CDK6: variants seen among roughly 807,000 people sequenced by gnomAD.
CDK6 encodes the protein cyclin dependent kinase 6.
In CDK6, 6 loss-of-function variants were observed where a neutral mutation model predicts 37.1. The ratio of observed to expected loss-of-function variants is 0.16; its 90% CI spans 0.09 to 0.32. CDK6 has a LOEUF of 0.32. Among genes scored for constraint, CDK6 ranks in the 10% least tolerant of loss-of-function variants. The pLI is 1.00. For synonymous variants in CDK6, 160 were observed against 161.3 expected, an observed-to-expected ratio of 0.99 and a Z score of 0.06; for missense variants, 224 against 418.9, an observed-to-expected ratio of 0.53 and a Z score of 4.06.
intron 3 of CDK6, among the ~76,000 whole-genome samples, chr7:92,749,265 A>G (rs536789702): frequency 6.6e-6 from 1 of 151,614 alleles, no homozygotes; most frequent in Non-Finnish European, 1.5e-5. Context: ...GCCTAGGCCC[A>G]GGAGTTTGAA....
At chr7:92,692,994 AT>A (rs1482431175) in intron 4 of CDK6, among the ~76,000 whole-genome samples, 1 of 151,914 alleles carries the variant, frequency 6.6e-6, no homozygotes, top group African/African-American at 2.4e-5. Context: ...CATCCACAAT[AT>A]TTTTTCATCT....
At chr7:92,801,400 GCT>G (rs144592915) in intron 2 of CDK6, among the ~76,000 whole-genome samples, 24 of 149,676 alleles carry the variant, frequency 1.6e-4, no homozygotes, top group Admixed American at 3.3e-4. Flanking sequence ...ATACATGCGT[GCT>G]CTCTCTCTCT....
At chr7:92,749,049 C>G (rs1799126058) in intron 3 of CDK6, among the ~76,000 whole-genome samples, 1 of 151,594 alleles carries the variant, frequency 6.6e-6, no homozygotes, top group African/African-American at 2.4e-5. Flanking sequence ...AAATACAAAA[C>G]TTAGCCAGGC....
chr7:92,784,603 G>C (rs369102801), intron 2 of CDK6, among the ~76,000 whole-genome samples: 31 of 152,290 alleles, frequency 2.0e-4, no homozygotes, highest in African/African-American at 7.5e-4. Flanking sequence ...AATGGACTGA[G>C]AGACCCCAAA....
chr7:92,690,205 A>T (rs1270118599), intron 4 of CDK6, among the ~76,000 whole-genome samples: 1 of 152,134 alleles, frequency 6.6e-6, no homozygotes, highest in African/African-American at 2.4e-5. Flanking sequence ...GCCTGTGCCT[A>T]TGTCCTGAAA....
intron 2 of CDK6, among the ~76,000 whole-genome samples, chr7:92,786,542 T>C (rs1173089787): frequency 6.6e-6 from 1 of 151,846 alleles, no homozygotes; most frequent in Non-Finnish European, 1.5e-5. Context: ...ACAACACTTG[T>C]TTATGAAAAT....
At chr7:92,642,065 T>C (rs952527157) in intron 5 of CDK6, among the ~76,000 whole-genome samples, 1 of 152,104 alleles carries the variant, frequency 6.6e-6, no homozygotes, top group Non-Finnish European at 1.5e-5. Flanking sequence ...AAGGTACTTC[T>C]TCCTGTGGCT....
intron 4 of CDK6, among the ~76,000 whole-genome samples, chr7:92,678,559 A>G (rs2053236127): frequency 6.6e-6 from 1 of 152,152 alleles, no homozygotes; most frequent in South Asian, 2.1e-4. Flanking sequence ...GCCAAGGCCA[A>G]CTCTGACTTA....
chr7:92,823,124 T>C (rs556535704), intron 2 of CDK6, among the ~76,000 whole-genome samples: 96 of 151,582 alleles, frequency 6.3e-4, no homozygotes, highest in African/African-American at 2.2e-3. Flanking sequence ...ACCTATACCA[T>C]CTTTCCTAAA....
chr7:92,822,036 T>C (rs1377192149), intron 2 of CDK6, among the ~76,000 whole-genome samples: 5 of 152,060 alleles, frequency 3.3e-5, no homozygotes, highest in African/African-American at 1.2e-4. Context: ...TAAGGCTCTT[T>C]AGGGAAATAT....
At chr7:92,631,827 G>C (rs1324095855) in intron 5 of CDK6, among the ~76,000 whole-genome samples, 1 of 152,112 alleles carries the variant, frequency 6.6e-6, no homozygotes, top group Non-Finnish European at 1.5e-5. Flanking sequence ...AAGAGAGAGT[G>C]CTACATTAAT....
In CDK6 at chr7:92,636,794, T is replaced by C. The variant is rs566581442; in HGVS notation, c.648-13708A>G. 3.3e-3 allele frequency among the ~76,000 whole-genome samples: 498 copies of C among 152,234 alleles called. 1 individual carries two copies. The highest frequency in any genetic ancestry group is 0.011 in the African/African-American group (441 of 41,538). On this transcript the variant is annotated intron_variant, in intron 5 of 7. Coordinates refer to ENST00000424848, the MANE Select transcript of CDK6 (RefSeq NM_001145306.2). ...GATTCTCCTGCCTCAGCCTCCCAAG[T>C]AGCTGGGATTACAGGCATGCGCCAC...
At chr7:92,685,041 T>G (rs1797417695) in intron 4 of CDK6, among the ~76,000 whole-genome samples, 1 of 152,230 alleles carries the variant, frequency 6.6e-6, no homozygotes, top group South Asian at 2.1e-4. Flanking sequence ...AACACAGTTT[T>G]GCTGTACTTA....
At chr7:92,725,333 A>C in intron 4 of CDK6, 1 of 985,322 alleles carries the variant, frequency 1.0e-6, no homozygotes, top group African/African-American at 1.7e-5. Context: ...CTCTGAAAAC[A>C]GTGGTTATGG....
chr7:92,788,188 C>T (rs1443810456), intron 2 of CDK6, among the ~76,000 whole-genome samples: 1 of 152,052 alleles, frequency 6.6e-6, no homozygotes, highest in African/African-American at 2.4e-5. Context: ...TCTATAAGTC[C>T]ATTTTATTTT....
At chr7:92,783,216 G>A (rs1243674228) in intron 2 of CDK6, among the ~76,000 whole-genome samples, 1 of 152,172 alleles carries the variant, frequency 6.6e-6, no homozygotes, top group Admixed American at 6.5e-5. Flanking sequence ...GAACTCAATG[G>A]TAAGAGGAAG....
intron 4 of CDK6, among the ~76,000 whole-genome samples, chr7:92,690,635 T>G (rs1437241396): frequency 1.3e-5 from 2 of 152,220 alleles, no homozygotes; most frequent in African/African-American, 4.8e-5. Flanking sequence ...ACATAACATC[T>G]ATTAACATTC....
chr7:92,662,320 G>C (rs1243430131), intron 5 of CDK6, among the ~76,000 whole-genome samples: 4 of 152,110 alleles, frequency 2.6e-5, no homozygotes, highest in African/African-American at 9.7e-5. Context: ...GGTTGGGGGT[G>C]TGGAAGTAGG....
At position 92,615,023 on chromosome 7, in the gene CDK6, G is replaced by A; in HGVS notation, c.*117C>T. ...AGAAGCAGAGCCTGTCCAGAAGACA[G>A]CAGCTGGAAGGCCTCCAGATAGCAA... On this transcript the variant is annotated 3_prime_UTR_variant, in exon 8 of 8. Coordinates refer to ENST00000424848, the MANE Select transcript of CDK6 (RefSeq NM_001145306.2). 2 of 1,014,774 alleles carry A rather than the reference G, an allele frequency of 2.0e-6. No individual in the cohort carries two copies. The highest frequency in any genetic ancestry group is 3.4e-5 in the South Asian group (2 of 58,920). The allele number at this position is 1,014,774 out of a possible 1,614,324, so 62.9% of individuals were successfully genotyped here.
Sources: gnomAD v4.1 joint callset for allele counts (sites outside exome capture counted in the v4.1 genomes callset) on GRCh38, gnomAD v4.1.1 for gene constraint, MANE v1.5 for transcripts, NCBI Gene and HGNC (gene_info 2026-07-23, HGNC 2026-07-21) for gene names.